The following CLCC1 variants were observed in gnomAD, a reference collection of about 807,000 sequenced individuals.
The protein encoded by CLCC1 is chloride channel CLIC-like protein 1.
A neutral mutation model predicts 63.3 loss-of-function variants in CLCC1; 39 were observed. The ratio of observed to expected loss-of-function variants is 0.62; its 90% CI spans 0.48 to 0.81. CLCC1 has a LOEUF of 0.81. CLCC1 is among the 30% of genes least tolerant of loss of function. The pLI is 0.00. For synonymous variants in CLCC1, 217 were observed against 239.8 expected, an observed-to-expected ratio of 0.90 and a Z score of 0.88; for missense variants, 549 against 669.4, an observed-to-expected ratio of 0.82 and a Z score of 1.98.
At chr1:108,959,389 T>C (rs1295410738) in intron 2 of CLCC1, among the ~76,000 whole-genome samples, 2 of 151,644 alleles carry the variant, frequency 1.3e-5, no homozygotes, top group African/African-American at 4.8e-5. Context: ...AAAAAGCTCA[T>C]ATGATGAGGT....
At chr1:108,958,587 A>C (rs1171478698) in intron 2 of CLCC1, among the ~76,000 whole-genome samples, 1 of 151,636 alleles carries the variant, frequency 6.6e-6, no homozygotes, top group African/African-American at 2.4e-5. Flanking sequence ...AAAGTTCTCA[A>C]CTTAATAAAG....
At position 108,950,403 on chromosome 1, in the gene CLCC1, A is replaced by G; in HGVS notation, c.35T>C (p.Leu12Ser). The G allele has an allele frequency of 6.2e-7, 1 of 1,611,210 alleles. No individual in the cohort carries two copies. The highest frequency in any genetic ancestry group is 1.1e-5 in the South Asian group (1 of 90,688). Residue 12 changes from leucine (L) to serine (S), a missense_variant, in exon 3 of 13, where the codon TTG becomes TCG. Transcript: ENST00000369969. ...ATCATGAGCATAACCAGCTACCAGC[A>G]ACAGACATTCACAAAGGAGCAAAGA... ...LCSLLLCECL[L>S]LVAGYAHDDD...
At position 108,949,666 on chromosome 1, in the gene CLCC1, G is replaced by A. The variant is rs567609485; in HGVS notation, c.231+154C>T. On this transcript the variant is annotated intron_variant, in intron 4 of 12. Coordinates refer to ENST00000369969, the MANE Select transcript of CLCC1 (RefSeq NM_001377458.1). ...AAACCAAGGCTAGAATAACTAATAA[G>A]AAACCAAGGTTAGAGTATCCAAAGA... Among the ~76,000 whole-genome samples the A allele has an allele frequency of 2.0e-5, 3 of 152,076 alleles. No homozygotes were observed. The East Asian group carries it at 5.8e-4, about 29-fold the overall frequency.
Position 108,931,415 on chromosome 1 carries a change from A to C in CLCC1, c.*1132T>G, listed in dbSNP as rs762592963. 6.4e-7 allele frequency: 1 copy of C among 1,551,184 alleles called. No individual in the cohort carries two copies. ...GGGACCTGGAGTAACACTGGATCAC[A>C]GACTGCAAAGGCCCACGCTTGGAAC... On this transcript the variant is annotated 3_prime_UTR_variant, in exon 13 of 13. Coordinates refer to ENST00000369969, the MANE Select transcript of CLCC1 (RefSeq NM_001377458.1).
intron 10 of CLCC1, 110 bp from the exon 11 acceptor site, chr1:108,937,528 G>T: frequency 1.1e-6 from 1 of 911,542 alleles, no homozygotes; most frequent in Non-Finnish European, 1.6e-6. Flanking sequence ...ACTTACTTGT[G>T]GCATTTATAG....
intron 2 of CLCC1, among the ~76,000 whole-genome samples, chr1:108,958,413 CACTT>C (rs1656186894): frequency 6.6e-6 from 1 of 151,556 alleles, no homozygotes; most frequent in African/African-American, 2.5e-5. Flanking sequence ...ACACTCCAGT[CACTT>C]AGTATCCATC....
chr1:108,947,485 G>A, intron 5 of CLCC1, 126 bp downstream of exon 5: 3 of 605,080 alleles, frequency 5.0e-6, no homozygotes, highest in Non-Finnish European at 8.6e-6. Context: ...ATAGCTTCTG[G>A]TTAAAGAGTC....
chr1:108,929,505 T>C lies in CLCC1; in HGVS notation c.*3042A>G. On this transcript the variant is annotated 3_prime_UTR_variant, in exon 13 of 13. Coordinates refer to ENST00000369969, the MANE Select transcript of CLCC1 (RefSeq NM_001377458.1). ...ATTTTAAAGGAAAAATTTTATGCAG[T>C]TTCAGGTTTAAAGATTATTTCTTTC... is the stretch of plus-strand genomic sequence containing the variant. 1 of 612,640 alleles carries C rather than the reference T, an allele frequency of 1.6e-6. No homozygotes were observed. Among genetic ancestry groups the C allele is most frequent in the Non-Finnish European group, 2.9e-6 (1 of 349,134 alleles). 38.0% of individuals were successfully genotyped at this position (612,640 alleles called of 1,614,324 possible).
chr1:108,957,321 G>A (rs1229494674), intron 2 of CLCC1, among the ~76,000 whole-genome samples: 1 of 151,356 alleles, frequency 6.6e-6, no homozygotes, highest in Non-Finnish European at 1.5e-5. Flanking sequence ...ACGGATAGAA[G>A]GGATATGCAC....
At chr1:108,935,680 C>T (rs991252169) in intron 11 of CLCC1, among the ~76,000 whole-genome samples, 8 of 152,154 alleles carry the variant, frequency 5.3e-5, no homozygotes, top group Non-Finnish European at 1.2e-4. Flanking sequence ...GCAAAAGAAT[C>T]GGTTGAGCCC....
chr1:108,937,109 C>T lies in CLCC1; in HGVS notation c.1351G>A (p.Glu451Lys). 5 of 1,520,178 alleles carry T rather than the reference C, an allele frequency of 3.3e-6. No individual in the cohort carries two copies. Among genetic ancestry groups the T allele is most frequent in the Non-Finnish European group, 4.4e-6 (5 of 1,135,860 alleles). 94.2% of individuals were successfully genotyped at this position (1,520,178 alleles called of 1,614,324 possible). ...ACCACCGTGGGATGCTCTCGTGCCT[C>T]TGCGTCTGGTACATCAAATGCCCGG... ...VLRAFDVPDAEAREHPTVVPS... is the reference protein window; with the variant it reads ...VLRAFDVPDAKAREHPTVVPS... Residue 451 changes from glutamate to lysine, a missense_variant, in exon 11 of 13, where the codon GAG (glutamate) becomes AAG (lysine). Transcript: ENST00000369969.
At chr1:108,943,346 C>A in intron 7 of CLCC1, 129 bp downstream of exon 7, 1 of 860,150 alleles carries the variant, frequency 1.2e-6, no homozygotes, top group South Asian at 1.7e-5. Context: ...TAATTCCTCT[C>A]CAGCGTGGGC....
intron 2 of CLCC1, among the ~76,000 whole-genome samples, chr1:108,960,341 A>G (rs1488697128): frequency 1.3e-5 from 2 of 152,240 alleles, no homozygotes; most frequent in Non-Finnish European, 2.9e-5. Flanking sequence ...ATGGGCAAAA[A>G]CTAAGGAGGG....
In CLCC1 at chr1:108,931,651, ATT is replaced by A; in HGVS notation, c.*894_*895del. The A allele has an allele frequency of 5.2e-6, 5 of 959,694 alleles. No homozygotes were observed. Among genetic ancestry groups the A allele is most frequent in the Non-Finnish European group, 7.3e-6 (5 of 684,910 alleles). 59.4% of individuals were successfully genotyped at this position (959,694 alleles called of 1,614,324 possible). On this transcript the variant is annotated 3_prime_UTR_variant, in exon 13 of 13. Coordinates refer to ENST00000369969, the MANE Select transcript of CLCC1 (RefSeq NM_001377458.1). The stretch of plus-strand genomic sequence containing the variant: ...GCTAAAAAAAAAAAAAAAGTTCTAA[ATT>A]ACAACCTGGATTACATTATGTTTCA...
chr1:108,947,792 C>T, intron 4 of CLCC1, 74 bp from the exon 5 acceptor site: 1 of 970,244 alleles, frequency 1.0e-6, no homozygotes, highest in Non-Finnish European at 1.6e-6. Flanking sequence ...TAGCCTAGTG[C>T]TGTCATCGGA....
intron 2 of CLCC1, among the ~76,000 whole-genome samples, chr1:108,951,753 G>A (rs893896829): frequency 7.4e-5 from 11 of 147,898 alleles, no homozygotes; most frequent in Non-Finnish European, 1.3e-4. Context: ...ACCCAAAACC[G>A]TTGAATTGTA....
In CLCC1 at chr1:108,934,780, G is replaced by A; in HGVS notation, c.1546C>T (p.Gln516Ter). The A allele has an allele frequency of 6.2e-7, 1 of 1,614,158 alleles. No homozygotes were observed. The highest frequency in any genetic ancestry group is 8.5e-7 in the Non-Finnish European group (1 of 1,180,034). ...TEGSPAAEKAQLKSEAAGSPD... is the reference protein window; with the variant it reads ...TEGSPAAEKA Reference sequence around the variant, plus strand: ...CTGCCTGCGGCTTCAGACTTGAGCTGGGCCTTTTCCGCTGCGGGTGAACCT... The same window carrying A: ...CTGCCTGCGGCTTCAGACTTGAGCTAGGCCTTTTCCGCTGCGGGTGAACCT... The change falls in exon 12 of 13, where the codon CAG (glutamine) becomes TAG (stop). Residue 516 changes from glutamine to a stop codon, truncating the protein, a stop_gained. Transcript: ENST00000369969. LOFTEE classifies it high-confidence loss of function.
intron 7 of CLCC1, among the ~76,000 whole-genome samples, chr1:108,942,303 C>G (rs954928227): frequency 2.0e-5 from 3 of 152,136 alleles, no homozygotes; most frequent in African/African-American, 7.2e-5. Flanking sequence ...TTCTTATTTT[C>G]TTTTATAGTT....
chr1:108,957,612 T>C (rs534484854), intron 2 of CLCC1, among the ~76,000 whole-genome samples: 8 of 151,686 alleles, frequency 5.3e-5, no homozygotes, highest in African/African-American at 1.2e-4. Flanking sequence ...TGCTGAAAAT[T>C]TGGATGTCGG....
Sources: gnomAD v4.1 joint callset for allele counts (sites outside exome capture counted in the v4.1 genomes callset) on GRCh38, gnomAD v4.1.1 for gene constraint, MANE v1.5 for transcripts, NCBI Gene and HGNC (gene_info 2026-07-23, HGNC 2026-07-21) for gene names.